THSD4: variants seen among roughly 807,000 people sequenced by gnomAD.
THSD4 encodes thrombospondin type 1 domain containing 4, also known as thrombospondin type-1 domain-containing protein 4.
A neutral mutation model predicts 119.0 loss-of-function variants in THSD4; 69 were observed. That is an observed-to-expected ratio of 0.58 (90% CI 0.48 to 0.71). The LOEUF (loss-of-function observed/expected upper bound fraction) is 0.71. Among genes scored for constraint, THSD4 ranks in the 30% least tolerant of loss-of-function variants. The probability of loss-of-function intolerance (pLI) is 0.00; values close to 1 mark genes in which losing one functional copy is unlikely to be tolerated. For synonymous variants in THSD4, 524 were observed against 540.4 expected (o/e 0.97, Z 0.42); for missense variants, 1,393 against 1,391.1 (o/e 1.00, Z -0.02).
At chr15:71,381,924 T>C (rs182724900) in intron 6 of THSD4, among the ~76,000 whole-genome samples, 89 of 152,184 alleles carry the variant, frequency 5.8e-4, no homozygotes, top group African/African-American at 1.9e-3. Flanking sequence ...TTTTAAAAGG[T>C]GAGAGATACA....
chr15:71,227,802 C>T (rs1239645273), intron 4 of THSD4, among the ~76,000 whole-genome samples: 1 of 152,158 alleles, frequency 6.6e-6, no homozygotes, highest in African/African-American at 2.4e-5. Flanking sequence ...TAGGGGATAC[C>T]CGCTGTGGTT....
chr15:71,312,280 A>G (rs1290782573), intron 6 of THSD4, among the ~76,000 whole-genome samples: 1 of 151,960 alleles, frequency 6.6e-6, no homozygotes, highest in Non-Finnish European at 1.5e-5. Context: ...GTAAGCTGAG[A>G]TCGTACCACT....
At chr15:71,303,888 C>A (rs2044986648) in intron 6 of THSD4, among the ~76,000 whole-genome samples, 1 of 152,156 alleles carries the variant, frequency 6.6e-6, no homozygotes, top group Non-Finnish European at 1.5e-5. Context: ...GAACCTTGGG[C>A]TGCTCCACTT....
At chr15:71,395,327 C>T (rs1452308569) in intron 6 of THSD4, among the ~76,000 whole-genome samples, 1 of 152,200 alleles carries the variant, frequency 6.6e-6, no homozygotes, top group African/African-American at 2.4e-5. Context: ...AGAGGACATC[C>T]AGTCTAAAAG....
chr15:71,395,946 CACACACAA>C (rs1462433671), intron 6 of THSD4, among the ~76,000 whole-genome samples: 21 of 150,014 alleles, frequency 1.4e-4, no homozygotes, highest in South Asian at 6.4e-4. Flanking sequence ...CACACACACA[CACACACAA>C]ACACAGACTT....
chr15:71,428,737 C>T (rs1236179321), intron 7 of THSD4, among the ~76,000 whole-genome samples: 2 of 152,154 alleles, frequency 1.3e-5, no homozygotes, highest in African/African-American at 4.8e-5. Context: ...ATGACTCAAA[C>T]ATCAAAACTA....
chr15:71,751,044 G>A (rs1236770790), intron 14 of THSD4, among the ~76,000 whole-genome samples: 1 of 152,120 alleles, frequency 6.6e-6, no homozygotes, highest in East Asian at 1.9e-4. Flanking sequence ...GGTGTCAAGA[G>A]GTCTCCTTTT....
At chr15:71,225,573 A>T (rs1596278540) in intron 4 of THSD4, among the ~76,000 whole-genome samples, 2 of 103,714 alleles carry the variant, frequency 1.9e-5, no homozygotes, top group Admixed American at 1.4e-4. Context: ...TTTGAGACGG[A>T]GTTTCGCTCT....
chr15:71,450,165 C>T (rs1169891519), intron 7 of THSD4, among the ~76,000 whole-genome samples: 1 of 152,166 alleles, frequency 6.6e-6, no homozygotes, highest in Non-Finnish European at 1.5e-5. Context: ...GCTTCTTTCA[C>T]TAACCCGCTG....
At chr15:71,289,639 A>G (rs566265430) in intron 6 of THSD4, among the ~76,000 whole-genome samples, 1 of 152,292 alleles carries the variant, frequency 6.6e-6, no homozygotes, top group South Asian at 2.1e-4. Context: ...TTCGATTATT[A>G]TAATTATCTG....
In THSD4 at chr15:71,324,220, C is replaced by T. The variant is rs115702969; in HGVS notation, c.1015+67505C>T. The stretch of plus-strand genomic sequence containing the variant: ...TTTTTTTTAACCTCCCAACAACAAA[C>T]GTTTGGCCCTTTGACAACGCATGCA... On this transcript the variant is annotated intron_variant, in intron 6 of 17. Coordinates refer to ENST00000261862, the MANE Select transcript of THSD4 (RefSeq NM_024817.3). Among the ~76,000 whole-genome samples the T allele has an allele frequency of 8.4e-3, 1,282 of 151,750 alleles. 15 individuals are homozygous for T. The highest frequency in any genetic ancestry group is 0.03 in the African/African-American group (1,220 of 41,348).
intron 4 of THSD4, among the ~76,000 whole-genome samples, chr15:71,230,981 T>C (rs1435638074): frequency 6.6e-6 from 1 of 152,130 alleles, no homozygotes; most frequent in Non-Finnish European, 1.5e-5. Flanking sequence ...GTGGCATCCT[T>C]GCAGCCTCTC....
chr15:71,715,473 C>G (rs915491337), intron 8 of THSD4, among the ~76,000 whole-genome samples: 5 of 152,026 alleles, frequency 3.3e-5, no homozygotes, highest in Non-Finnish European at 1.5e-5. Flanking sequence ...TACCCGAATT[C>G]CCAGCATTGA....
chr15:71,447,106 T>TC lies in THSD4; in HGVS notation c.1152+35285dup, dbSNP rs1322689673. 3.5e-4 allele frequency among the ~76,000 whole-genome samples: 44 copies of TC among 124,792 alleles called. No homozygotes were observed. In the Admixed American group the frequency reaches 3.6e-3, roughly 10 times the overall value. 81.9% of individuals were successfully genotyped at this position (124,792 alleles called of 152,430 possible). ...CAGTGTCCTCTGTTGCCCTCTTCCC[T>TC]CCATTTTTTTTGTTTTTTTTTTTTT... On this transcript the variant is annotated intron_variant, in intron 7 of 17. Transcript: ENST00000261862.
intron 14 of THSD4, among the ~76,000 whole-genome samples, chr15:71,752,293 C>G (rs1472316705): frequency 1.3e-5 from 2 of 152,228 alleles, no homozygotes; most frequent in Non-Finnish European, 2.9e-5. Context: ...TATTTCCTCT[C>G]CAATAATGAC....
At chr15:71,747,301 G>A (rs1429329121) in intron 13 of THSD4, among the ~76,000 whole-genome samples, 3 of 152,210 alleles carry the variant, frequency 2.0e-5, no homozygotes, top group Non-Finnish European at 2.9e-5. Flanking sequence ...CATCTGCTTT[G>A]TGAGTCATGG....
At chr15:71,595,642 G>T (rs914799519) in intron 7 of THSD4, among the ~76,000 whole-genome samples, 3 of 152,108 alleles carry the variant, frequency 2.0e-5, no homozygotes, top group African/African-American at 7.2e-5. Context: ...GCCTAAAATT[G>T]CACATGTGTG....
intron 6 of THSD4, among the ~76,000 whole-genome samples, chr15:71,304,765 G>GT (rs1194473059): frequency 3.3e-5 from 5 of 152,152 alleles, no homozygotes; most frequent in African/African-American, 9.7e-5. Flanking sequence ...TAACCAAAAT[G>GT]TGTATTTGCC....
upstream of THSD4, chr15:71,111,783 G>A: frequency 1.9e-6 from 1 of 515,432 alleles, no homozygotes; most frequent in Non-Finnish European, 3.4e-6. Context: ...TTTCCTGCTG[G>A]GACACAATTC....
Sources: allele counts gnomAD v4.1 joint callset (sites outside exome capture counted in the v4.1 genomes callset), GRCh38; gene constraint gnomAD v4.1.1; transcripts MANE v1.5; gene names NCBI Gene and HGNC (gene_info 2026-07-23, HGNC 2026-07-21).